The following FGFR2 variants were observed in gnomAD, a reference collection of about 807,000 sequenced individuals.
The protein encoded by FGFR2 is fibroblast growth factor receptor 2.
Under a neutral mutation model 95.9 loss-of-function variants are expected in FGFR2, and 19 were observed. The ratio of observed to expected loss-of-function variants is 0.20; its 90% CI spans 0.14 to 0.29. The LOEUF (loss-of-function observed/expected upper bound fraction) is 0.29, where lower values mean the gene tolerates loss of function less well. Among genes scored for constraint, FGFR2 ranks in the 10% least tolerant of loss-of-function variants. The probability of loss-of-function intolerance (pLI) is 1.00; values close to 1 mark genes in which losing one functional copy is unlikely to be tolerated. For missense variants in FGFR2, 707 were observed against 1,056.9 expected, an observed-to-expected ratio of 0.67 and a Z score of 4.59; for synonymous variants, 392 against 393.3, an observed-to-expected ratio of 1.00 and a Z score of 0.04.
At chr10:121,525,869 G>C (rs929086247) in intron 6 of FGFR2, among the ~76,000 whole-genome samples, 3 of 152,064 alleles carry the variant, frequency 2.0e-5, no homozygotes, top group African/African-American at 7.2e-5. Context: ...AGGAGAACCA[G>C]GCTCTTAAAT....
intron 6 of FGFR2, among the ~76,000 whole-genome samples, chr10:121,537,562 G>T (rs951689809): frequency 6.6e-6 from 1 of 152,138 alleles, no homozygotes; most frequent in African/African-American, 2.4e-5. Flanking sequence ...AGGCACACAC[G>T]CACAGGCTAT....
intron 10 of FGFR2, among the ~76,000 whole-genome samples, chr10:121,501,661 T>A (rs1418408575): frequency 6.6e-6 from 1 of 152,192 alleles, no homozygotes; most frequent in East Asian, 1.9e-4. Context: ...TTGGAATACT[T>A]ATGAATACGG....
In FGFR2 at chr10:121,565,664, G is replaced by C. The variant is rs376622125; in HGVS notation, c.150C>G (p.Tyr50Ter). 6.2e-7 allele frequency: 1 copy of C among 1,614,208 alleles called. No homozygotes were observed. The highest frequency in any genetic ancestry group is 8.5e-7 in the Non-Finnish European group (1 of 1,180,034). The change falls in exon 3 of 18, where the codon TAC (tyrosine) becomes TAG (stop). Residue 50 changes from tyrosine (Y) to a stop codon, truncating the protein, a stop_gained. Coordinates refer to ENST00000358487, the MANE Select transcript of FGFR2 (RefSeq NM_000141.5). LOFTEE classifies it high-confidence loss of function. ...TKYQISQPEV[Y>*]VAAPGESLEV... is the part of the protein sequence containing the mutation. ...CTAGCGACTCCCCTGGCGCAGCCAC[G>C]TACACTTCTGGTTGAGAGATTTGGT...
chr10:121,544,005 A>G (rs1186508842), intron 5 of FGFR2, among the ~76,000 whole-genome samples: 1 of 152,228 alleles, frequency 6.6e-6, no homozygotes, highest in Admixed American at 6.5e-5. Context: ...CAAATGCCAT[A>G]TGGTCCTGCA....
rs1845635729 is a variant in FGFR2 at position 121,487,974 on chromosome 10, T to A, written c.1986+17A>T. On this transcript the variant is annotated intron_variant, in intron 14 of 17. Transcript: ENST00000358487. The stretch of plus-strand genomic sequence containing the variant: ...TCACCCCCGCCCCTGCCCACTGTGT[T>A]ACTGCCATCGACTTACATTGGTGGT... 1.2e-6 allele frequency: 2 copies of A among 1,614,062 alleles called. No homozygotes were observed. The highest frequency in any genetic ancestry group is 1.7e-6 in the Non-Finnish European group (2 of 1,179,968).
intron 17 of FGFR2, among the ~76,000 whole-genome samples, chr10:121,481,389 GACACACACAC>G (rs71868012): frequency 0.45 from 67,347 of 149,866 alleles, 15,815 homozygotes; most frequent in East Asian, 0.62. Flanking sequence ...CATTTTTAAA[GACACACACAC>G]ACACACACAC....
At chr10:121,486,590 C>T (rs1845435242) in intron 15 of FGFR2, among the ~76,000 whole-genome samples, 1 of 152,168 alleles carries the variant, frequency 6.6e-6, no homozygotes, top group African/African-American at 2.4e-5. Flanking sequence ...TACAGACACG[C>T]ATAACTACGC....
In FGFR2 at chr10:121,517,302, G is replaced by C. The variant is rs2134253113; in HGVS notation, c.1084+17C>G. On this transcript the variant is annotated intron_variant, in intron 8 of 17. Coordinates refer to ENST00000358487, the MANE Select transcript of FGFR2 (RefSeq NM_000141.5). This position sits in a 1 kb window ranked among gnomAD's most constrained non-coding sequence, Gnocchi z 4.7. ...AAGAAAAGGGAAAAAAACCCAGAGAGAAAGAACAGTATATACCTGGCAGAA... is the reference window on the plus strand; with the variant it reads ...AAGAAAAGGGAAAAAAACCCAGAGACAAAGAACAGTATATACCTGGCAGAA... 6.2e-7 allele frequency: 1 copy of C among 1,614,038 alleles called. No homozygotes were observed. The highest frequency in any genetic ancestry group is 8.5e-7 in the Non-Finnish European group (1 of 1,179,930).
rs114333776 is a variant in FGFR2, at chr10:121,493,949, T to C, written c.1863+2583A>G. 6.2e-3 allele frequency among the ~76,000 whole-genome samples: 948 copies of C among 151,806 alleles called. 10 individuals are homozygous for C. Among genetic ancestry groups the C allele is most frequent in the African/African-American group, 0.022 (906 of 41,374 alleles). ...CACCCTTGATCTCTCTTTCTCTCCC[T>C]CCTATCTAATCAATCCATTCATTAT... On this transcript the variant is annotated intron_variant, in intron 13 of 17. Coordinates refer to ENST00000358487, the MANE Select transcript of FGFR2 (RefSeq NM_000141.5).
chr10:121,499,275 T>C (rs1349624443), intron 11 of FGFR2, among the ~76,000 whole-genome samples: 1 of 152,114 alleles, frequency 6.6e-6, no homozygotes, highest in Non-Finnish European at 1.5e-5. Flanking sequence ...TTCTCCTAAG[T>C]GGCAAGACTT....
chr10:121,573,016 C>T (rs900524068), intron 2 of FGFR2, among the ~76,000 whole-genome samples: 1 of 152,232 alleles, frequency 6.6e-6, no homozygotes, highest in Non-Finnish European at 1.5e-5. Context: ...CCCATCTCAG[C>T]GGGAGGGTTG....
At chr10:121,579,394 C>T (rs962025504) in intron 2 of FGFR2, among the ~76,000 whole-genome samples, 1 of 152,176 alleles carries the variant, frequency 6.6e-6, no homozygotes, top group South Asian at 2.1e-4. Context: ...ATGTGAGAGC[C>T]TCTATTCGCA....
intron 6 of FGFR2, 92 bp downstream of exon 6, chr10:121,538,500 T>C: frequency 2.0e-6 from 3 of 1,527,754 alleles, no homozygotes; most frequent in Non-Finnish European, 2.7e-6. Flanking sequence ...CTGAAACTTA[T>C]GGGAGAAACA....
intron 2 of FGFR2, among the ~76,000 whole-genome samples, chr10:121,577,204 G>GAGAGAGAGAGAGAGAGAA: frequency 8.3e-6 from 1 of 121,018 alleles, no homozygotes; most frequent in Non-Finnish European, 1.7e-5. Context: ...GAGAGAGAGA[G>GAGAGAGAGAGAGAGAGAA]AGACACCAAA....
intron 9 of FGFR2, 53 bp downstream of exon 9, chr10:121,515,064 C>G (rs2134217360): frequency 6.4e-7 from 1 of 1,556,288 alleles, no homozygotes. Flanking sequence ...GATCCACAAG[C>G]TGGCTGGGTC....
chr10:121,538,019 T>C (rs2134588537), intron 6 of FGFR2: 2 of 264,510 alleles, frequency 7.6e-6, no homozygotes, highest in South Asian at 9.1e-5. Flanking sequence ...CTGACAAAAA[T>C]GTATTTATAA....
intron 6 of FGFR2, among the ~76,000 whole-genome samples, chr10:121,526,350 T>C (rs144356183): frequency 5.3e-5 from 8 of 152,274 alleles, no homozygotes; most frequent in African/African-American, 9.6e-5. Context: ...GGCATGGTTA[T>C]TAGGAGGAGG....
intron 9 of FGFR2, among the ~76,000 whole-genome samples, chr10:121,506,583 T>G (rs2134105476): frequency 6.6e-6 from 1 of 152,198 alleles, no homozygotes; most frequent in East Asian, 1.9e-4. Context: ...CTGGATGACG[T>G]TAACACCCAG....
chr10:121,505,407 T>G (rs1216070861), intron 9 of FGFR2, among the ~76,000 whole-genome samples: 1 of 152,226 alleles, frequency 6.6e-6, no homozygotes, highest in Non-Finnish European at 1.5e-5. Flanking sequence ...TTCAATCTTT[T>G]GGCAGGGGGC....
Sources: gnomAD v4.1 joint callset for allele counts (sites outside exome capture counted in the v4.1 genomes callset) on GRCh38, gnomAD v4.1.1 for gene constraint, Gnocchi (gnomAD v3.1) non-coding constraint, MANE v1.5 for transcripts, NCBI Gene and HGNC (gene_info 2026-07-23, HGNC 2026-07-21) for gene names.